Variants in CNGB3 observed in about 807,000 individuals in gnomAD.
CNGB3 encodes the protein cyclic nucleotide gated channel subunit beta 3.
In CNGB3, 86 loss-of-function variants were observed where a neutral mutation model predicts 92.8. The ratio of observed to expected loss-of-function variants is 0.93; its 90% confidence interval spans 0.78 to 1.11. The LOEUF (loss-of-function observed/expected upper bound fraction) is 1.11. Ranked by LOEUF, CNGB3 falls within the 50% of genes least tolerant of loss-of-function variation. The pLI is 0.00. For synonymous variants in CNGB3, 333 were observed against 332.7 expected, an observed-to-expected ratio of 1.00 and a Z score of -0.01; for missense variants, 1,026 against 956.8, an observed-to-expected ratio of 1.07 and a Z score of -0.95.
intron 6 of CNGB3, chr8:86,657,896 T>C: frequency 1.8e-6 from 1 of 546,356 alleles, no homozygotes; most frequent in Non-Finnish European, 3.7e-6. Context: ...GTTCAGACGC[T>C]GGGACCCCTC....
At chr8:86,603,941 G>A in intron 15 of CNGB3, 152 bp downstream of exon 15, 2 of 630,482 alleles carry the variant, frequency 3.2e-6, no homozygotes, top group South Asian at 3.6e-5. Context: ...TTGGTGAAGG[G>A]ATGAATAAAA....
chr8:86,733,434 A>G lies in CNGB3; in HGVS notation c.211+6221T>C, dbSNP rs141541819. On this transcript the variant is annotated intron_variant, in intron 2 of 17. Transcript: ENST00000320005. ...AATGCATGTGTCTTTTGGGTAGAAC[A>G]ATTTATTTTCTTTTGGATATATACC... 5.0e-3 allele frequency among the ~76,000 whole-genome samples: 767 copies of G among 152,304 alleles called. 4 individuals carry two copies. The highest frequency in any genetic ancestry group is 0.017 in the African/African-American group (727 of 41,574).
chr8:86,691,555 G>A (rs552340544), intron 3 of CNGB3, among the ~76,000 whole-genome samples: 15 of 151,902 alleles, frequency 9.9e-5, no homozygotes, highest in Non-Finnish European at 1.6e-4. Context: ...CTTCTATGCC[G>A]ATTGCTATCA....
chr8:86,593,827 A>T, intron 15 of CNGB3: 5 of 1,067,092 alleles, frequency 4.7e-6, no homozygotes, highest in Non-Finnish European at 7.0e-6. Context: ...CTGTCAGGTC[A>T]GGGAAGTTGG....
rs906816910 is a variant in CNGB3, at chr8:86,592,308, G to A, written c.1781+11785C>T. Among the ~76,000 whole-genome samples, 8 of 152,210 alleles carry A rather than the reference G, an allele frequency of 5.3e-5. No individual in the cohort carries two copies. The East Asian group carries it at 5.8e-4, about 11-fold the overall frequency. On this transcript the variant is annotated intron_variant, in intron 15 of 17. Transcript: ENST00000320005. ...GCAGAAATCACCCGTCTTCTGCGTC[G>A]CTCAGGCTGGGAGCTGTAGACTGGA...
At position 86,668,049 on chromosome 8, in the gene CNGB3, T is replaced by G. The variant is rs760767009; in HGVS notation, c.613A>C (p.Lys205Gln). The G allele has an allele frequency of 8.7e-6, 14 of 1,614,040 alleles. No individual in the cohort carries two copies. The African/African-American group carries it at 1.9e-4, about 22-fold the overall frequency. ...TATGAATCTATGCTGTTTGGAAGTT[T>G]AATTCGCTTTAAGTACTCTGTTAAA... The part of the protein sequence containing the change: ...MPLTEYLKRI[K>Q]LPNSIDSYTD... The change falls in exon 5 of 18, where the codon AAA becomes CAA. Residue 205 changes from lysine to glutamine, a missense_variant. Transcript: ENST00000320005.
At chr8:86,613,665 G>A (rs531335149) in intron 13 of CNGB3, among the ~76,000 whole-genome samples, 110 of 151,828 alleles carry the variant, frequency 7.2e-4, no homozygotes, top group Admixed American at 1.9e-3. Context: ...ACTTATATTC[G>A]TTTTCATATA....
chr8:86,687,166 A>G (rs80063241), intron 3 of CNGB3, among the ~76,000 whole-genome samples: 9,582 of 152,078 alleles, frequency 0.063, 1,003 homozygotes, highest in African/African-American at 0.22. Context: ...TGGAACCCTC[A>G]TACCTTGTTG....
intron 15 of CNGB3, among the ~76,000 whole-genome samples, chr8:86,595,428 T>G (rs1296520829): frequency 6.6e-6 from 1 of 152,244 alleles, no homozygotes; most frequent in Non-Finnish European, 1.5e-5. Flanking sequence ...GCAATGACAC[T>G]GATTGTATAT....
chr8:86,633,986 A>G (rs1034462717), intron 10 of CNGB3, among the ~76,000 whole-genome samples: 2 of 152,218 alleles, frequency 1.3e-5, no homozygotes, highest in African/African-American at 2.4e-5. Flanking sequence ...AAAATCAAGT[A>G]TGCTCAGAAA....
At chr8:86,620,219 A>C (rs939354497) in intron 13 of CNGB3, among the ~76,000 whole-genome samples, 32 of 152,318 alleles carry the variant, frequency 2.1e-4, no homozygotes, top group Non-Finnish European at 4.0e-4. Flanking sequence ...ATAGTAACAA[A>C]GCTTTCATTG....
chr8:86,576,175 A>T (rs1821658895), intron 17 of CNGB3, 45 bp from the exon 18 acceptor site: 2 of 1,590,932 alleles, frequency 1.3e-6, no homozygotes, highest in African/African-American at 2.7e-5. Context: ...ATCGTAATTA[A>T]AAACATTGGA....
At chr8:86,621,582 G>A (rs1323684842) in intron 13 of CNGB3, among the ~76,000 whole-genome samples, 1 of 152,112 alleles carries the variant, frequency 6.6e-6, no homozygotes, top group Non-Finnish European at 1.5e-5. Context: ...CCGAAGCAGT[G>A]TACCCACTGT....
chr8:86,683,498 C>A (rs116349298), intron 3 of CNGB3, among the ~76,000 whole-genome samples: 97 of 152,240 alleles, frequency 6.4e-4, no homozygotes, highest in African/African-American at 2.3e-3. Context: ...TGAAACTCAG[C>A]AAGAGAACTG....
rs786204762 is a variant in CNGB3, at chr8:86,643,810, C to T, written c.1119G>A (p.Trp373Ter). 5 of 1,606,402 alleles carry T rather than the reference C, an allele frequency of 3.1e-6. No individual in the cohort carries two copies. The highest frequency in any genetic ancestry group is 1.4e-5 in the African/African-American group (1 of 73,942). The change falls in exon 10 of 18, where the codon TGG becomes TGA. Residue 373 changes from tryptophan (W) to a stop codon, truncating the protein, a stop_gained. Coordinates refer to ENST00000320005, the MANE Select transcript of CNGB3 (RefSeq NM_019098.5). LOFTEE classifies it high-confidence loss of function. ...ILHINACVYY[W>*]ASNYEGIGTT... ...TGCCAATTCCTTCATAGTTTGAAGC[C>T]CAGTAATAAACACAGGCATTAATGT...
chr8:86,741,791 T>A (rs1586047076), intron 1 of CNGB3, among the ~76,000 whole-genome samples: 1 of 152,334 alleles, frequency 6.6e-6, no homozygotes, highest in East Asian at 1.9e-4. Context: ...CTAATCTAAG[T>A]ACTTCTCCAA....
chr8:86,645,091 A>G (rs565082368), intron 8 of CNGB3, among the ~76,000 whole-genome samples: 1 of 151,514 alleles, frequency 6.6e-6, no homozygotes, highest in South Asian at 2.1e-4. Flanking sequence ...GTTAAGTCTT[A>G]TTGCTCAACA....
At chr8:86,629,154 C>T (rs1352096431) in intron 11 of CNGB3, 76 bp from the exon 12 acceptor site, 7 of 1,447,664 alleles carry the variant, frequency 4.8e-6, no homozygotes, top group African/African-American at 4.2e-5. Flanking sequence ...ATGTTTTCCA[C>T]ATGATATACT....
At chr8:86,696,168 C>T (rs1824446232) in intron 3 of CNGB3, among the ~76,000 whole-genome samples, 1 of 152,116 alleles carries the variant, frequency 6.6e-6, no homozygotes, top group Non-Finnish European at 1.5e-5. Flanking sequence ...GACTCAGGAC[C>T]TCTGATTAGC....
Sources: allele counts gnomAD v4.1 joint callset (sites outside exome capture counted in the v4.1 genomes callset), GRCh38; gene constraint gnomAD v4.1.1; transcripts MANE v1.5; gene names NCBI Gene and HGNC (gene_info 2026-07-23, HGNC 2026-07-21).